The following CPNE7 variants were observed in gnomAD, a reference collection of about 807,000 sequenced individuals.
The protein encoded by CPNE7 is copine-7.
A neutral mutation model predicts 66.5 loss-of-function variants in CPNE7; 78 were observed. The observed-to-expected ratio is 1.17, with a 90% CI of 0.98 to 1.42. The LOEUF is 1.42. CPNE7 is among the 40% of genes most tolerant of loss of function. The pLI is 0.00. For missense variants in CPNE7, 1,012 were observed against 776.6 expected, an observed-to-expected ratio of 1.30 and a Z score of -3.60; for synonymous variants, 468 against 336.7, an observed-to-expected ratio of 1.39 and a Z score of -4.27.
chr16:89,578,237 G>C (rs889926642), intron 2 of CPNE7, among the ~76,000 whole-genome samples: 1 of 151,656 alleles, frequency 6.6e-6, no homozygotes, highest in Non-Finnish European at 1.5e-5. Flanking sequence ...GCTAATTTTT[G>C]TATTTTCAGT....
chr16:89,586,818 T>A, intron 8 of CPNE7, 62 bp downstream of exon 8: 1 of 1,440,074 alleles, frequency 6.9e-7, no homozygotes, highest in Non-Finnish European at 9.8e-7. Flanking sequence ...TGCCTCCCTC[T>A]GATTGTTGGA....
intron 2 of CPNE7, 22 bp from the exon 3 acceptor site, chr16:89,583,675 G>A (rs1171021989): frequency 6.2e-7 from 1 of 1,612,632 alleles, no homozygotes; most frequent in Non-Finnish European, 8.5e-7. Flanking sequence ...GCCCCTCCCT[G>A]CCTGACGCCT....
chr16:89,590,954 C>T, intron 11 of CPNE7, 53 bp from the exon 12 acceptor site: 2 of 1,602,738 alleles, frequency 1.2e-6, no homozygotes, highest in Non-Finnish European at 8.5e-7. Flanking sequence ...GACATGGGGC[C>T]AGTGGGGTGT....
intron 2 of CPNE7, among the ~76,000 whole-genome samples, chr16:89,581,395 C>A (rs2058957343): frequency 6.6e-6 from 1 of 152,180 alleles, no homozygotes; most frequent in South Asian, 2.1e-4. Flanking sequence ...GCTGCCCCTG[C>A]CCCTTTGTGG....
In CPNE7 at chr16:89,596,569, C is replaced by G. The variant is rs750312872; in HGVS notation, c.1625C>G (p.Pro542Arg). 1 of 1,608,830 alleles carries G rather than the reference C, an allele frequency of 6.2e-7. No homozygotes were observed. Among genetic ancestry groups the G allele is most frequent in the Non-Finnish European group, 8.5e-7 (1 of 1,179,748 alleles). Reference protein sequence around the residue: ...VEYYSHRGLPPRSLGVPAGEA... With the variant: ...VEYYSHRGLPRRSLGVPAGEA... ...TACTACAGCCACAGAGGCCTGCCCC[C>G]GAGAAGCCTGGGTGTCCCTGCCGGA... Residue 542 changes from proline to arginine, a missense_variant, in exon 15 of 15, where the codon CCG becomes CGG. Physicochemically the swap from Pro to Arg is moderately radical, Grantham distance 103. Transcript: ENST00000319518.
At position 89,584,138 on chromosome 16, in the gene CPNE7, G is replaced by A; in HGVS notation, c.507+36G>A. 6.3e-7 allele frequency: 1 copy of A among 1,591,024 alleles called. No homozygotes were observed. The highest frequency in any genetic ancestry group is 8.5e-7 in the Non-Finnish European group (1 of 1,169,796). On this transcript the variant is annotated intron_variant, in intron 4 of 14. Transcript: ENST00000319518. This position sits in a 1 kb window ranked among gnomAD's most constrained non-coding sequence, Gnocchi z 6.0. ...GTGCCGGGCACGCCTGGCTCAGGCT[G>A]AGGTCCGGGAACCGGTTCGAAAACC...
At chr16:89,591,779 A>G (rs973045185) in intron 13 of CPNE7, among the ~76,000 whole-genome samples, 3 of 151,710 alleles carry the variant, frequency 2.0e-5, no homozygotes, top group Non-Finnish European at 4.4e-5. Flanking sequence ...AGCTCACTGC[A>G]ACCTCTGCTT....
chr16:89,576,348 G>A (rs1315165382), intron 1 of CPNE7, among the ~76,000 whole-genome samples: 2 of 152,024 alleles, frequency 1.3e-5, no homozygotes, highest in East Asian at 3.9e-4. Flanking sequence ...CCAGGGTTCG[G>A]GGAGGGGGCC....
rs146670507 is a variant in CPNE7, at chr16:89,596,063, A to G, written c.1540-421A>G. ...CCCTACAGCAAGACGTGCATGCCAC[A>G]TAGATGTGAAGTTCTACACAGCAAG... On this transcript the variant is annotated intron_variant, in intron 14 of 14. Coordinates refer to ENST00000319518, the MANE Select transcript of CPNE7 (RefSeq NM_153636.3). 6.9e-3 allele frequency: 3,078 copies of G among 447,290 alleles called. 60 individuals are homozygous for G. Among genetic ancestry groups the G allele is most frequent in the South Asian group, 0.035 (1,906 of 54,954 alleles). The allele number at this position is 447,290 out of a possible 1,614,324, so 27.7% of individuals were successfully genotyped here.
At chr16:89,594,878 C>T (rs531066654) in intron 13 of CPNE7, among the ~76,000 whole-genome samples, 5 of 152,082 alleles carry the variant, frequency 3.3e-5, no homozygotes, top group African/African-American at 1.2e-4. Context: ...TCTCGAACTC[C>T]TGACCTCAGG....
chr16:89,589,525 G>T (rs182832207), intron 10 of CPNE7, among the ~76,000 whole-genome samples: 1 of 152,116 alleles, frequency 6.6e-6, no homozygotes, highest in Non-Finnish European at 1.5e-5. Context: ...CTTGGGAGAG[G>T]ATGCCCTGAG....
intron 2 of CPNE7, among the ~76,000 whole-genome samples, chr16:89,582,693 C>G (rs1045593093): frequency 1.3e-5 from 2 of 152,232 alleles, no homozygotes; most frequent in Non-Finnish European, 2.9e-5. Context: ...TGGAAAGTGC[C>G]GCATGCTCAG....
intron 10 of CPNE7, 44 bp downstream of exon 10, chr16:89,588,852 C>T (rs749086167): frequency 1.9e-6 from 3 of 1,606,030 alleles, no homozygotes; most frequent in Non-Finnish European, 1.7e-6. Context: ...TCCAGGTCAG[C>T]TATGACAGGT....
chr16:89,585,414 G>A (rs1435944671), intron 5 of CPNE7, 50 bp from the exon 6 acceptor site: 1 of 1,341,540 alleles, frequency 7.5e-7, no homozygotes, highest in Admixed American at 1.8e-5. Flanking sequence ...TCCCCCCCAA[G>A]GATCCCAGGG....
rs971521908 is a variant in CPNE7, at chr16:89,584,990, A to G, written c.591+133A>G. 24 of 807,314 alleles carry G rather than the reference A, an allele frequency of 3.0e-5. No homozygotes were observed. Among genetic ancestry groups the G allele is most frequent in the Non-Finnish European group, 3.6e-5 (18 of 503,024 alleles). The allele number at this position is 807,314 out of a possible 1,614,324, so 50.0% of individuals were successfully genotyped here. A position where few individuals can be genotyped will look rare whatever the true frequency, so the allele number is the denominator to read the frequency against. On this transcript the variant is annotated intron_variant, in intron 5 of 14. Transcript: ENST00000319518. The surrounding 1 kb of genome is among the most constrained non-coding windows in gnomAD (Gnocchi z 6.0). The stretch of plus-strand genomic sequence containing the variant: ...GCGCAGGGCTTTGGTGGCTGTGGCT[A>G]TGGCCAGAATCCAACAGGGAGCCGC...
chr16:89,593,105 C>G (rs1241718705), intron 13 of CPNE7, among the ~76,000 whole-genome samples: 1 of 152,004 alleles, frequency 6.6e-6, no homozygotes, highest in Non-Finnish European at 1.5e-5. Context: ...GTGTGAGCCG[C>G]CGCACCTGGC....
Position 89,587,477 on chromosome 16 carries a change from G to C in CPNE7, c.927+375G>C, listed in dbSNP as rs1203981471. 2 of 443,052 alleles carry C rather than the reference G, an allele frequency of 4.5e-6. 1 individual carries two copies. Among genetic ancestry groups the C allele is most frequent in the South Asian group, 3.1e-5 (2 of 63,584 alleles). The allele number at this position is 443,052 out of a possible 1,614,324, so 27.4% of individuals were successfully genotyped here. ...TGCGCAGGCGAGGAAACGGGCTTGG[G>C]GTTCAGGAAGCAGCCCCAAGCCCGC... On this transcript the variant is annotated intron_variant, in intron 9 of 14. Transcript: ENST00000319518.
chr16:89,578,897 C>T, intron 2 of CPNE7: 1 of 1,613,672 alleles, frequency 6.2e-7, no homozygotes, highest in Non-Finnish European at 8.5e-7. Context: ...ATGAGAGTGT[C>T]TGTTGATGTG....
intron 9 of CPNE7, chr16:89,587,412 G>A (rs1176012460): frequency 1.2e-5 from 4 of 339,310 alleles, no homozygotes; most frequent in South Asian, 6.2e-5. Context: ...TTCCCCGTGA[G>A]CCGATGTCTC....
Sources: gnomAD v4.1 joint callset for allele counts (sites outside exome capture counted in the v4.1 genomes callset) on GRCh38, gnomAD v4.1.1 for gene constraint, Gnocchi (gnomAD v3.1) non-coding constraint, MANE v1.5 for transcripts, NCBI Gene and HGNC (gene_info 2026-07-23, HGNC 2026-07-21) for gene names.